Variants in XKR6 observed in about 807,000 individuals in gnomAD.
XKR6 encodes the protein XK related 6, also known as XK-related protein 6.
A neutral mutation model predicts 56.7 loss-of-function variants in XKR6; 22 were observed. That is an observed-to-expected ratio of 0.39 (90% confidence interval 0.28 to 0.55). The LOEUF (loss-of-function observed/expected upper bound fraction) is 0.55. Among genes scored for constraint, XKR6 ranks in the 20% least tolerant of loss-of-function variants. The pLI is 0.66. For synonymous variants in XKR6, 524 were observed against 387.8 expected, an observed-to-expected ratio of 1.35 and a Z score of -4.13; for missense variants, 852 against 889.0, an observed-to-expected ratio of 0.96 and a Z score of 0.53.
chr8:11,048,242 GC>G (rs973297302), intron 1 of XKR6, among the ~76,000 whole-genome samples: 6 of 152,144 alleles, frequency 3.9e-5, no homozygotes, highest in African/African-American at 1.4e-4. Flanking sequence ...CACACCATCA[GC>G]AAGGGGAATC....
intron 1 of XKR6, among the ~76,000 whole-genome samples, chr8:11,149,184 G>C (rs1197474917): frequency 6.6e-6 from 1 of 152,174 alleles, no homozygotes; most frequent in Non-Finnish European, 1.5e-5. Context: ...AACATTCCGA[G>C]AAATGCATTA....
intron 1 of XKR6, among the ~76,000 whole-genome samples, chr8:11,000,640 G>A (rs943525732): frequency 1.3e-5 from 2 of 152,110 alleles, no homozygotes. Context: ...AGCCAAGATC[G>A]CACCACTGCA....
intron 1 of XKR6, among the ~76,000 whole-genome samples, chr8:11,098,023 A>AGG (rs1362329216): frequency 6.6e-6 from 1 of 151,912 alleles, no homozygotes; most frequent in African/African-American, 2.4e-5. Context: ...GCAATTTTGC[A>AGG]GGGGGGCTCC....
At chr8:11,117,215 G>A (rs1414069883) in intron 1 of XKR6, among the ~76,000 whole-genome samples, 1 of 152,122 alleles carries the variant, frequency 6.6e-6, no homozygotes, top group African/African-American at 2.4e-5. Flanking sequence ...ATACACTAGG[G>A]GTGAAACTGC....
intron 1 of XKR6, among the ~76,000 whole-genome samples, chr8:11,034,141 T>G (rs1209636720): frequency 2.6e-5 from 4 of 151,880 alleles, no homozygotes; most frequent in African/African-American, 9.7e-5. Context: ...ATGGCCTGTG[T>G]AGGAGATAAA....
At chr8:10,961,752 A>C (rs1586360385) in intron 1 of XKR6, among the ~76,000 whole-genome samples, 1 of 152,190 alleles carries the variant, frequency 6.6e-6, no homozygotes, top group East Asian at 1.9e-4. Flanking sequence ...GCTTTTTAAC[A>C]TGCAGCCTCC....
Position 11,067,259 on chromosome 8 carries a change from G to T in XKR6, c.764+133317C>A, listed in dbSNP as rs532056961. On this transcript the variant is annotated intron_variant, in intron 1 of 2. Transcript: ENST00000416569. ...GCAAGAGCCTGGGGCGGCAGCTTGA[G>T]GTCCTAAAATAAACCTGCACATTTG... 5.3e-5 allele frequency among the ~76,000 whole-genome samples: 8 copies of T among 152,258 alleles called. No individual in the cohort carries two copies. In the East Asian group the frequency reaches 1.5e-3, roughly 29 times the overall value.
chr8:11,114,224 A>G (rs1799049200), intron 1 of XKR6: 2 of 286,354 alleles, frequency 7.0e-6, no homozygotes, highest in East Asian at 1.1e-4. Context: ...TACACAGAGA[A>G]TCACAATCCT....
intron 1 of XKR6, among the ~76,000 whole-genome samples, chr8:11,145,152 A>C (rs1468215932): frequency 6.6e-6 from 1 of 152,184 alleles, no homozygotes; most frequent in Non-Finnish European, 1.5e-5. Context: ...ATGATACTCA[A>C]AGGAAATGCT....
At chr8:10,905,470 C>T (rs1800159728) in intron 2 of XKR6, among the ~76,000 whole-genome samples, 1 of 152,154 alleles carries the variant, frequency 6.6e-6, no homozygotes, top group African/African-American at 2.4e-5. Flanking sequence ...GATGAGGAGA[C>T]CGAAACAGCA....
chr8:11,094,076 G>A (rs1210693841), intron 1 of XKR6, among the ~76,000 whole-genome samples: 9 of 131,544 alleles, frequency 6.8e-5, no homozygotes, highest in African/African-American at 2.3e-4. Flanking sequence ...GAGCCACCGC[G>A]CCCGGCCTTT....
At chr8:11,076,445 G>A (rs985835066) in intron 1 of XKR6, among the ~76,000 whole-genome samples, 2 of 152,150 alleles carry the variant, frequency 1.3e-5, no homozygotes, top group African/African-American at 2.4e-5. Flanking sequence ...TTGGGTCCCA[G>A]CCTGACCCTT....
intron 1 of XKR6, among the ~76,000 whole-genome samples, chr8:11,100,943 G>A (rs1033744424): frequency 2.6e-5 from 4 of 152,206 alleles, no homozygotes; most frequent in Admixed American, 2.6e-4. Context: ...GGTGCCGGAG[G>A]AAGTGGTTAG....
chr8:11,116,435 A>G (rs935330434), intron 1 of XKR6, among the ~76,000 whole-genome samples: 3 of 152,062 alleles, frequency 2.0e-5, no homozygotes, highest in African/African-American at 7.2e-5. Flanking sequence ...CAGTGACACA[A>G]TCTTGGCTCA....
chr8:11,126,079 GT>G (rs1799778019), intron 1 of XKR6: 1 of 134,740 alleles, frequency 7.4e-6, no homozygotes, highest in Non-Finnish European at 1.7e-5. Context: ...TTTTTGTTTT[GT>G]TTTTTTGAGA....
At chr8:11,072,951 G>A (rs889241450) in intron 1 of XKR6, among the ~76,000 whole-genome samples, 8 of 152,186 alleles carry the variant, frequency 5.3e-5, no homozygotes, top group African/African-American at 1.7e-4. Context: ...TAATGAGGCT[G>A]AGGCAGGAGA....
In XKR6 at chr8:11,201,549, A is replaced by T. The variant is rs1181023917; in HGVS notation, c.-210T>A. ...ACTTCCGGGCGAGCCCCCCAATCGC[A>T]CGGCGCCCGCAGCTCCCCAGCCCTA... On this transcript the variant is annotated 5_prime_UTR_variant, in exon 1 of 3. Coordinates refer to ENST00000416569, the MANE Select transcript of XKR6 (RefSeq NM_173683.4). 6.6e-6 allele frequency among the ~76,000 whole-genome samples: 1 copy of T among 151,690 alleles called. No individual in the cohort carries two copies. The highest frequency in any genetic ancestry group is 1.5e-5 in the Non-Finnish European group (1 of 67,890).
chr8:11,155,499 T>C (rs4270924), intron 1 of XKR6, among the ~76,000 whole-genome samples: 12,263 of 152,294 alleles, frequency 0.081, 800 homozygotes, highest in African/African-American at 0.18. Context: ...TAAGGAGCCT[T>C]AATGGAATTC....
intron 1 of XKR6, among the ~76,000 whole-genome samples, chr8:11,026,834 C>A (rs1478750808): frequency 3.3e-5 from 5 of 151,902 alleles, no homozygotes; most frequent in Non-Finnish European, 7.4e-5. Context: ...GCCTACTACA[C>A]ACCTAGATAG....
Sources: allele counts gnomAD v4.1 joint callset (sites outside exome capture counted in the v4.1 genomes callset), GRCh38; gene constraint gnomAD v4.1.1; transcripts MANE v1.5; gene names NCBI Gene and HGNC (gene_info 2026-07-23, HGNC 2026-07-21).